Variants in LYPD1 observed in about 807,000 individuals in gnomAD.
The protein encoded by LYPD1 is ly6/PLAUR domain-containing protein 1.
LYPD1 carries 14 observed loss-of-function variants against 14.2 expected under a neutral mutation model. The ratio of observed to expected loss-of-function variants is 0.99; its 90% CI spans 0.65 to 1.54. LYPD1 has a LOEUF of 1.54. LYPD1 is among the 40% of genes most tolerant of loss of function. The pLI is 0.00. For missense variants in LYPD1, 165 were observed against 175.7 expected, an observed-to-expected ratio of 0.94 and a Z score of 0.34; for synonymous variants, 85 against 70.6, an observed-to-expected ratio of 1.20 and a Z score of -1.02.
At chr2:132,658,338 G>A (rs1682725022) in intron 2 of LYPD1, among the ~76,000 whole-genome samples, 1 of 152,186 alleles carries the variant, frequency 6.6e-6, no homozygotes, top group Admixed American at 6.5e-5. Flanking sequence ...ACATTCTTAT[G>A]TGATACAGGA....
chr2:132,666,666 T>G, intron 2 of LYPD1: 1 of 152,224 alleles, frequency 6.6e-6, no homozygotes, highest in East Asian at 1.9e-4. Context: ...TCTGCTTCTT[T>G]TACAGAGTGG....
intron 2 of LYPD1, among the ~76,000 whole-genome samples, chr2:132,663,786 G>C (rs2104922467): frequency 6.6e-6 from 1 of 152,242 alleles, no homozygotes; most frequent in Admixed American, 6.5e-5. Flanking sequence ...GAGAGACAGG[G>C]ACAAATGGAG....
In LYPD1 at chr2:132,645,612, A is replaced by G. The variant is rs1457763432; in HGVS notation, c.*433T>C. 6.2e-7 allele frequency: 1 copy of G among 1,606,572 alleles called. No individual in the cohort carries two copies. Among genetic ancestry groups the G allele is most frequent in the East Asian group, 2.2e-5 (1 of 44,814 alleles). On this transcript the variant is annotated 3_prime_UTR_variant, in exon 3 of 3. Coordinates refer to ENST00000397463, the MANE Select transcript of LYPD1 (RefSeq NM_144586.7). ...TTCAGGAGCATGAAGTTTGAATGTCAAGCGAGGGAGCCTTGAGTGGGAACT... is the reference window on the plus strand; with the variant it reads ...TTCAGGAGCATGAAGTTTGAATGTCGAGCGAGGGAGCCTTGAGTGGGAACT...
In LYPD1 at chr2:132,645,832, CTTCA is replaced by C; in HGVS notation, c.*209_*212del. On this transcript the variant is annotated 3_prime_UTR_variant, in exon 3 of 3. Transcript: ENST00000397463. ...GGTGAACTTTCACTCCACCTCCTTCCTTCAAGTACATACTGAAAATTCAGTCAGG... is the reference window on the plus strand; with the variant it reads ...GGTGAACTTTCACTCCACCTCCTTCCAGTACATACTGAAAATTCAGTCAGG... 1.5e-6 allele frequency: 1 copy of C among 677,642 alleles called. No individual in the cohort carries two copies. 42.0% of individuals were successfully genotyped at this position (677,642 alleles called of 1,614,324 possible). A position where few individuals can be genotyped will look rare whatever the true frequency, so the allele number is the denominator to read the frequency against.
intron 2 of LYPD1, among the ~76,000 whole-genome samples, chr2:132,647,037 A>AATT (rs1364675805): frequency 2.6e-5 from 4 of 152,244 alleles, no homozygotes; most frequent in African/African-American, 9.6e-5. Context: ...TCAGTCATCA[A>AATT]ATTAGGGTGT....
chr2:132,668,763 C>A (rs1015628322), intron 1 of LYPD1, among the ~76,000 whole-genome samples: 2 of 152,120 alleles, frequency 1.3e-5, no homozygotes, highest in East Asian at 1.9e-4. Context: ...CCCTGGACCC[C>A]GGCTCTAGAC....
rs1274985320 is a variant in LYPD1, at chr2:132,643,713, T to A, written c.*2332A>T. On this transcript the variant is annotated 3_prime_UTR_variant, in exon 3 of 3. Coordinates refer to ENST00000397463, the MANE Select transcript of LYPD1 (RefSeq NM_144586.7). ...TTTTTCTTTTTTTGTAGAGATGGGG[T>A]CTTGCTATGTTGCCTAGGTGGGTCT... 6.6e-6 allele frequency among the ~76,000 whole-genome samples: 1 copy of A among 152,044 alleles called. No homozygotes were observed. The highest frequency in any genetic ancestry group is 1.9e-4 in the East Asian group (1 of 5,192).
At chr2:132,664,281 C>T (rs1683140314) in intron 2 of LYPD1, among the ~76,000 whole-genome samples, 1 of 152,212 alleles carries the variant, frequency 6.6e-6, no homozygotes, top group African/African-American at 2.4e-5. Flanking sequence ...CTGTGGTTAA[C>T]TTTCCACTTC....
chr2:132,646,163 G>T lies in LYPD1; in HGVS notation c.308C>A (p.Thr103Asn), dbSNP rs765051985. The T allele has an allele frequency of 3.1e-6, 5 of 1,611,932 alleles. No individual in the cohort carries two copies. Among genetic ancestry groups the T allele is most frequent in the South Asian group, 1.1e-5 (1 of 90,674 alleles). The change falls in exon 3 of 3, where the codon ACC becomes AAC. Residue 103 changes from threonine (T) to asparagine (N), a missense_variant. Thr to Asn is a moderately conservative substitution (Grantham distance 65, BLOSUM62 0). Transcript: ENST00000397463. The part of the protein sequence containing the change: ...LNSVCISCCN[T>N]PLCNGPRPKK... ...GGGCCTTGGCCCGTTACAAAGAGGG[G>T]TGTTGCAGCAGCTGATGCAAACTGA...
Position 132,645,453 on chromosome 2 carries a change from G to C in LYPD1, c.*592C>G, listed in dbSNP as rs1439431991. ...CGTCCCGGCGCCAGTCCTCTGCAAG[G>C]AGAACTGAGAAGATTTTCTTAAGCA... On this transcript the variant is annotated 3_prime_UTR_variant, in exon 3 of 3. Transcript: ENST00000397463. 1.9e-6 allele frequency: 3 copies of C among 1,613,290 alleles called. No homozygotes were observed. In the South Asian group the frequency reaches 3.3e-5, roughly 18 times the overall value.
chr2:132,670,028 C>T lies in LYPD1; in HGVS notation c.-96G>A, dbSNP rs1375091692. 1 of 1,561,494 alleles carries T rather than the reference C, an allele frequency of 6.4e-7. No homozygotes were observed. The highest frequency in any genetic ancestry group is 1.2e-5 in the South Asian group (1 of 86,858). On this transcript the variant is annotated 5_prime_UTR_variant, in exon 1 of 3. Transcript: ENST00000397463. This position sits in a 1 kb window ranked among gnomAD's most constrained non-coding sequence, Gnocchi z 4.5. ...GCTGCAGCGGCTGTGGCTGCCGAGG[C>T]TGCTGGGGCCCGCGCTGCTGCCGCG...
At position 132,645,533 on chromosome 2, in the gene LYPD1, CA is replaced by C; in HGVS notation, c.*511del. The C allele has an allele frequency of 6.2e-7, 1 of 1,614,166 alleles. No homozygotes were observed. Among genetic ancestry groups the C allele is most frequent in the Non-Finnish European group, 8.5e-7 (1 of 1,180,024 alleles). ...AAGTCCCAGTCATTGAGTCTCGAGT[CA>C]CTAGAGCCCAACTCAGGCGCGAAAC... On this transcript the variant is annotated 3_prime_UTR_variant, in exon 3 of 3. Transcript: ENST00000397463.
chr2:132,651,225 G>A (rs1438716092), intron 2 of LYPD1, among the ~76,000 whole-genome samples: 2 of 152,104 alleles, frequency 1.3e-5, no homozygotes, highest in South Asian at 2.1e-4. Context: ...ATAAACACCC[G>A]CAGTCAACCA....
In LYPD1 at chr2:132,645,775, C is replaced by A; in HGVS notation, c.*270G>T. 1 of 973,322 alleles carries A rather than the reference C, an allele frequency of 1.0e-6. No individual in the cohort carries two copies. Among genetic ancestry groups the A allele is most frequent in the Non-Finnish European group, 1.5e-6 (1 of 677,210 alleles). 60.3% of individuals were successfully genotyped at this position (973,322 alleles called of 1,614,324 possible). A position where few individuals can be genotyped will look rare whatever the true frequency, so the allele number is the denominator to read the frequency against. On this transcript the variant is annotated 3_prime_UTR_variant, in exon 3 of 3. Transcript: ENST00000397463. ...GACTTCTAAGGACTGACTCTGCCAG[C>A]CTGGCCTTGACTCCGGTTACACAGA...
At chr2:132,648,665 G>C (rs1032872046) in intron 2 of LYPD1, among the ~76,000 whole-genome samples, 1 of 152,212 alleles carries the variant, frequency 6.6e-6, no homozygotes, top group Admixed American at 6.5e-5. Context: ...CAACTGCTAA[G>C]ACCCTCATGT....
chr2:132,664,265 CA>C (rs1683138810), intron 2 of LYPD1, among the ~76,000 whole-genome samples: 1 of 152,174 alleles, frequency 6.6e-6, no homozygotes, highest in Admixed American at 6.5e-5. Context: ...CTTAAGAAAA[CA>C]CAGGCTGTGG....
intron 2 of LYPD1, among the ~76,000 whole-genome samples, chr2:132,667,857 A>T (rs1683373544): frequency 6.6e-6 from 1 of 152,248 alleles, no homozygotes; most frequent in Non-Finnish European, 1.5e-5. Context: ...CTAAGCTGGT[A>T]GGGCTGAGAA....
At chr2:132,667,029 C>T (rs770076886) in intron 2 of LYPD1, 38 of 152,164 alleles carry the variant, frequency 2.5e-4, no homozygotes, top group Non-Finnish European at 4.4e-4. Flanking sequence ...GGTAGAAAGG[C>T]AGTAAATTCT....
At chr2:132,649,073 A>G (rs778471008) in intron 2 of LYPD1, among the ~76,000 whole-genome samples, 2 of 152,196 alleles carry the variant, frequency 1.3e-5, no homozygotes, top group Non-Finnish European at 2.9e-5. Context: ...GCATCAAGGT[A>G]AGTGACAGGC....
Sources: allele counts gnomAD v4.1 joint callset (sites outside exome capture counted in the v4.1 genomes callset), GRCh38; gene constraint gnomAD v4.1.1; non-coding constraint Gnocchi (gnomAD v3.1); transcripts MANE v1.5; gene names NCBI Gene and HGNC (gene_info 2026-07-23, HGNC 2026-07-21).